Variants in HPSE2 observed in about 807,000 individuals in gnomAD.
The protein encoded by HPSE2 is inactive heparanase-2.
HPSE2 carries 38 observed loss-of-function variants against 60.5 expected under a neutral mutation model. That is an observed-to-expected ratio of 0.63 (90% confidence interval 0.48 to 0.82). The LOEUF (loss-of-function observed/expected upper bound fraction) is 0.82, where lower values mean the gene tolerates loss of function less well. HPSE2 is among the 40% of genes least tolerant of loss of function. HPSE2 has a pLI of 0.00. For synonymous variants in HPSE2, 295 were observed against 293.2 expected (o/e 1.01, Z -0.06); for missense variants, 713 against 740.4 (o/e 0.96, Z 0.43).
intron 3 of HPSE2, among the ~76,000 whole-genome samples, chr10:98,873,192 T>C (rs1254584039): frequency 6.6e-6 from 1 of 152,168 alleles, no homozygotes; most frequent in Non-Finnish European, 1.5e-5. Flanking sequence ...TTGAATCCCA[T>C]AGAGGAAGTT....
At chr10:98,867,519 GA>G (rs924995142) in intron 3 of HPSE2, among the ~76,000 whole-genome samples, 1 of 152,114 alleles carries the variant, frequency 6.6e-6, no homozygotes, top group Non-Finnish European at 1.5e-5. Flanking sequence ...AGCATGTAGA[GA>G]AAAGGGAACT....
upstream of HPSE2, chr10:99,235,916 AC>A: frequency 4.5e-5 from 31 of 686,524 alleles, 1 homozygote; most frequent in South Asian, 4.8e-4. Flanking sequence ...CCTTCCTCCC[AC>A]CACCCCCCCA....
At chr10:99,292,259 A>C in the HPSE2 span, among the ~76,000 whole-genome samples, 5 of 152,204 alleles carry the variant, frequency 3.3e-5, no homozygotes, top group South Asian at 1.0e-3. Context: ...ATAGTTGGGA[A>C]GTTGGCTGGA....
intron 3 of HPSE2, among the ~76,000 whole-genome samples, chr10:98,909,123 T>C (rs1021331868): frequency 1.3e-5 from 2 of 152,198 alleles, no homozygotes. Flanking sequence ...CCTGGGTTCC[T>C]GACGCTTGAA....
intron 3 of HPSE2, among the ~76,000 whole-genome samples, chr10:98,746,836 C>T (rs777013702): frequency 6.6e-6 from 1 of 151,538 alleles, no homozygotes; most frequent in East Asian, 1.9e-4. Context: ...TTTATCTATA[C>T]CATTAGAATT....
chr10:98,727,614 C>T (rs919350640), intron 4 of HPSE2, among the ~76,000 whole-genome samples: 22 of 151,832 alleles, frequency 1.4e-4, no homozygotes, highest in African/African-American at 5.1e-4. Context: ...CAAGATTGCA[C>T]CATTGCACTC....
At chr10:99,000,571 C>T (rs1956755031) in intron 3 of HPSE2, among the ~76,000 whole-genome samples, 1 of 152,020 alleles carries the variant, frequency 6.6e-6, no homozygotes, top group Non-Finnish European at 1.5e-5. Flanking sequence ...AAATCAAAGA[C>T]ACTAAGGCTG....
intron 3 of HPSE2, among the ~76,000 whole-genome samples, chr10:98,761,347 G>C (rs1950000219): frequency 6.6e-6 from 1 of 151,970 alleles, no homozygotes; most frequent in African/African-American, 2.4e-5. Context: ...TAGCTTTCTT[G>C]ATCTTTTCTA....
chr10:98,960,576 C>T (rs1955628190), intron 3 of HPSE2, among the ~76,000 whole-genome samples: 1 of 151,840 alleles, frequency 6.6e-6, no homozygotes, highest in African/African-American at 2.4e-5. Context: ...GAAGTTTAAA[C>T]TGTATCCCCC....
intron 3 of HPSE2, among the ~76,000 whole-genome samples, chr10:98,788,828 G>T (rs1950592557): frequency 6.6e-6 from 1 of 151,014 alleles, no homozygotes; most frequent in Admixed American, 6.6e-5. Context: ...ACACACACTG[G>T]CCTGCACCCA....
chr10:98,943,456 A>T (rs1955082895), intron 3 of HPSE2, among the ~76,000 whole-genome samples: 1 of 152,044 alleles, frequency 6.6e-6, no homozygotes. Context: ...TGTGGTAGAC[A>T]GCCTCCAAGA....
intron 2 of HPSE2, among the ~76,000 whole-genome samples, chr10:99,200,474 C>T (rs887724122): frequency 9.2e-5 from 14 of 152,004 alleles, no homozygotes; most frequent in Non-Finnish European, 1.9e-4. Flanking sequence ...GAGTTCCTGT[C>T]CTAGCTCTGA....
At chr10:98,709,399 CAA>C (rs1948624481) in intron 5 of HPSE2, among the ~76,000 whole-genome samples, 1 of 152,180 alleles carries the variant, frequency 6.6e-6, no homozygotes, top group Non-Finnish European at 1.5e-5. Context: ...TGAATACTGA[CAA>C]GAGTGGAAGA....
intron 3 of HPSE2, among the ~76,000 whole-genome samples, chr10:98,754,038 A>G (rs1949820800): frequency 6.6e-6 from 1 of 152,212 alleles, no homozygotes; most frequent in Non-Finnish European, 1.5e-5. Flanking sequence ...AGAATTCAGA[A>G]TCTGGATTGC....
In HPSE2 at chr10:98,938,527, G is replaced by T. The variant is rs1453817101; in HGVS notation, c.611-194471C>A. On this transcript the variant is annotated intron_variant, in intron 3 of 11. Coordinates refer to ENST00000370552, the MANE Select transcript of HPSE2 (RefSeq NM_021828.5). ...AAATGAATGAAATGAAGCAAGAAGG[G>T]AAGTTTAGAGAAAAAAGAATAAAAA... Among the ~76,000 whole-genome samples, 4 of 143,530 alleles carry T rather than the reference G, an allele frequency of 2.8e-5. 1 individual carries two copies. Among genetic ancestry groups the T allele is most frequent in the African/African-American group, 1.1e-4 (4 of 35,116 alleles). 94.2% of individuals were successfully genotyped at this position (143,530 alleles called of 152,430 possible).
chr10:98,544,929 G>A (rs935277594), intron 9 of HPSE2, among the ~76,000 whole-genome samples: 34 of 151,808 alleles, frequency 2.2e-4, no homozygotes, highest in South Asian at 2.1e-4. Flanking sequence ...AGAAGAAAAG[G>A]GAGAAGAATC....
chr10:98,854,201 G>A lies in HPSE2; in HGVS notation c.611-110145C>T, dbSNP rs149762872. 5.9e-5 allele frequency among the ~76,000 whole-genome samples: 9 copies of A among 152,036 alleles called. No homozygotes were observed. The East Asian group carries it at 1.4e-3, about 23-fold the overall frequency. On this transcript the variant is annotated intron_variant, in intron 3 of 11. Transcript: ENST00000370552. ...TTTACTTATATTGCATGTTTCACAC[G>A]CACTTTGCATCGTAATGACTATTTT...
chr10:98,894,541 A>G (rs1031785896), intron 3 of HPSE2, among the ~76,000 whole-genome samples: 8 of 152,152 alleles, frequency 5.3e-5, no homozygotes, highest in African/African-American at 1.9e-4. Flanking sequence ...ATTTCAGACA[A>G]TTAATGACAT....
intron 3 of HPSE2, among the ~76,000 whole-genome samples, chr10:98,949,953 T>A (rs917394615): frequency 6.6e-6 from 1 of 152,168 alleles, no homozygotes; most frequent in Non-Finnish European, 1.5e-5. Context: ...AAGTTGAAAC[T>A]TTAAAAATAT....
Sources: allele counts gnomAD v4.1 joint callset (sites outside exome capture counted in the v4.1 genomes callset), GRCh38; gene constraint gnomAD v4.1.1; transcripts MANE v1.5; gene names NCBI Gene and HGNC (gene_info 2026-07-23, HGNC 2026-07-21).